Variants in IL21R observed in about 807,000 individuals in gnomAD.
IL21R encodes the protein interleukin 21 receptor.
Under a neutral mutation model 41.3 loss-of-function variants are expected in IL21R, and 14 were observed. The ratio of observed to expected loss-of-function variants is 0.34; its 90% CI spans 0.22 to 0.53. IL21R has a LOEUF of 0.53. IL21R is among the 20% of genes least tolerant of loss of function. The pLI, the probability that IL21R is intolerant of heterozygous loss-of-function variation, is 0.94. For synonymous variants in IL21R, 286 were observed against 287.6 expected, an observed-to-expected ratio of 0.99 and a Z score of 0.05; for missense variants, 588 against 681.6, an observed-to-expected ratio of 0.86 and a Z score of 1.53.
chr16:27,405,444 G>A lies in IL21R; in HGVS notation c.-17+2826G>A, dbSNP rs146935465. 4.8e-3 allele frequency among the ~76,000 whole-genome samples: 738 copies of A among 152,290 alleles called. 9 individuals carry two copies. The highest frequency in any genetic ancestry group is 0.016 in the African/African-American group (666 of 41,556). The stretch of plus-strand genomic sequence containing the variant: ...GCATATATGAGACCTCAGTAAATAA[G>A]AGCTCTTATGATGATTCTGCTTCCC... On this transcript the variant is annotated intron_variant, in intron 1 of 8. Coordinates refer to ENST00000337929, the MANE Select transcript of IL21R (RefSeq NM_181078.3).
Position 27,443,094 on chromosome 16 carries a change from A to G in IL21R, c.485A>G (p.Asn162Ser), listed in dbSNP as rs1307749855. The G allele has an allele frequency of 1.2e-6, 2 of 1,613,096 alleles. No homozygotes were observed. Among genetic ancestry groups the G allele is most frequent in the African/African-American group, 2.7e-5 (2 of 74,900 alleles). The change falls in exon 5 of 9, where the codon AAC becomes AGC. Residue 162 changes from asparagine to serine, a missense_variant. By Grantham distance (46) the Asn-to-Ser change is conservative (BLOSUM62 1). Coordinates refer to ENST00000337929, the MANE Select transcript of IL21R (RefSeq NM_181078.3). ...GKLQYELQYR[N>S]RGDPWAVSPR... The stretch of plus-strand genomic sequence containing the variant: ...CTTCAGTATGAGCTGCAGTACAGGA[A>G]CCGGGGAGACCCCTGGGCTGTGGTG...
chr16:27,422,872 T>A (rs938042333), intron 1 of IL21R, among the ~76,000 whole-genome samples: 1 of 152,220 alleles, frequency 6.6e-6, no homozygotes, highest in Non-Finnish European at 1.5e-5. Flanking sequence ...TAGATCAATT[T>A]AAATTTTCTT....
intron 5 of IL21R, 94 bp downstream of exon 5, chr16:27,443,210 T>A: frequency 8.5e-7 from 1 of 1,182,642 alleles, no homozygotes; most frequent in Non-Finnish European, 1.2e-6. Flanking sequence ...GTGAACAACA[T>A]CATTCATGGC....
At chr16:27,446,165 C>A in intron 8 of IL21R, 77 bp downstream of exon 8, 1 of 1,193,966 alleles carries the variant, frequency 8.4e-7, no homozygotes, top group South Asian at 1.3e-5. Flanking sequence ...TCACCCCAGG[C>A]TCCCCAGCCT....
intron 1 of IL21R, among the ~76,000 whole-genome samples, chr16:27,412,964 C>A (rs569126563): frequency 1.3e-5 from 2 of 152,136 alleles, no homozygotes; most frequent in Admixed American, 6.5e-5. Flanking sequence ...CCTTTTATTT[C>A]TTTTTCTTAC....
chr16:27,425,583 T>G (rs997378626), intron 1 of IL21R, among the ~76,000 whole-genome samples: 1 of 151,932 alleles, frequency 6.6e-6, no homozygotes, highest in Non-Finnish European at 1.5e-5. Context: ...CAGAGTGTCT[T>G]GCTCTGTTGC....
At chr16:27,434,558 A>G (rs2087234100) in intron 3 of IL21R, 109 bp downstream of exon 3, 1 of 717,902 alleles carries the variant, frequency 1.4e-6, no homozygotes, top group Admixed American at 2.2e-5. Flanking sequence ...CGCCTTTCAG[A>G]CAACCACTCA....
chr16:27,438,811 A>T (rs935630800), intron 4 of IL21R, among the ~76,000 whole-genome samples: 4 of 152,244 alleles, frequency 2.6e-5, no homozygotes, highest in Non-Finnish European at 4.4e-5. Flanking sequence ...CAGAGGTTGC[A>T]ATGAGCCAAG....
At chr16:27,421,503 T>C (rs986564075) in intron 1 of IL21R, among the ~76,000 whole-genome samples, 1 of 152,062 alleles carries the variant, frequency 6.6e-6, no homozygotes, top group African/African-American at 2.4e-5. Context: ...TCAATAACAT[T>C]TGTAGGTTTT....
chr16:27,430,090 G>T lies in IL21R; in HGVS notation c.19G>T (p.Ala7Ser). 6.2e-7 allele frequency: 1 copy of T among 1,605,408 alleles called. No homozygotes were observed. Among genetic ancestry groups the T allele is most frequent in the Non-Finnish European group, 8.5e-7 (1 of 1,179,742 alleles). The change falls in exon 2 of 9, where the codon GCC becomes TCC. Residue 7 changes from alanine to serine, a missense_variant. Ala to Ser is a moderately conservative substitution (Grantham distance 99, BLOSUM62 1). Coordinates refer to ENST00000337929, the MANE Select transcript of IL21R (RefSeq NM_181078.3). ...AGTCAGCATGCCGCGTGGCTGGGCC[G>T]CCCCCTTGCTCCTGCTGCTGCTCCA... MPRGWAAPLLLLLLQGG... is the reference protein window; with the variant it reads MPRGWASPLLLLLLQGG...
intron 4 of IL21R, among the ~76,000 whole-genome samples, chr16:27,440,286 A>AGCGAGCG (rs1567370101): frequency 4.7e-5 from 5 of 105,464 alleles, no homozygotes; most frequent in Admixed American, 1.8e-4. Context: ...GAGAGCGAGC[A>AGCGAGCG]AGCGCGCGCC....
At chr16:27,416,995 T>C (rs1360418870) in intron 1 of IL21R, among the ~76,000 whole-genome samples, 2 of 152,244 alleles carry the variant, frequency 1.3e-5, no homozygotes, top group African/African-American at 4.8e-5. Context: ...TGCATGGATA[T>C]ACTACATTTC....
chr16:27,403,314 A>C, intron 1 of IL21R: 1 of 1,211,830 alleles, frequency 8.3e-7, no homozygotes, highest in South Asian at 1.3e-5. Flanking sequence ...AAGGAAGAAC[A>C]TTCCTGGTGG....
Position 27,445,987 on chromosome 16 carries a change from A to C in IL21R, c.786-20A>C. ...GCCCTCTGGTGATGTCAGGGTCCTC[A>C]CCCCTCTCTGCCCCCTCAGGCTATG... On this transcript the variant is annotated intron_variant, in intron 7 of 8. Coordinates refer to ENST00000337929, the MANE Select transcript of IL21R (RefSeq NM_181078.3). The C allele has an allele frequency of 6.2e-7, 1 of 1,602,740 alleles. No individual in the cohort carries two copies. The highest frequency in any genetic ancestry group is 1.1e-5 in the South Asian group (1 of 89,812).
chr16:27,441,461 G>C (rs887812128), intron 4 of IL21R, among the ~76,000 whole-genome samples: 1 of 152,184 alleles, frequency 6.6e-6, no homozygotes, highest in Non-Finnish European at 1.5e-5. Context: ...GCCAGGAGAC[G>C]CTGAAAGATG....
At chr16:27,441,458 G>A (rs1358212987) in intron 4 of IL21R, among the ~76,000 whole-genome samples, 1 of 152,214 alleles carries the variant, frequency 6.6e-6, no homozygotes, top group African/African-American at 2.4e-5. Context: ...CTTGCCAGGA[G>A]ACGCTGAAAG....
rs1349130638 is a variant in IL21R at position 27,451,943 on chromosome 16, T to C, written c.*2660T>C. ...TGCATACTGGAAACAAAGATAAAGA[T>C]AAAACACAAGTTATACCAGGCCAGC... is the stretch of plus-strand genomic sequence containing the variant. On this transcript the variant is annotated 3_prime_UTR_variant, in exon 9 of 9. Transcript: ENST00000337929. 2 of 230,038 alleles carry C rather than the reference T, an allele frequency of 8.7e-6. No homozygotes were observed. The highest frequency in any genetic ancestry group is 1.7e-5 in the Non-Finnish European group (2 of 116,078). The allele number at this position is 230,038 out of a possible 1,614,324, so 14.2% of individuals were successfully genotyped here.
intron 1 of IL21R, chr16:27,427,204 G>C (rs2087093302): frequency 1.3e-6 from 1 of 764,020 alleles, no homozygotes; most frequent in Middle Eastern, 6.7e-4. Flanking sequence ...GGCCAAGCCT[G>C]GGTCAGGAGC....
intron 4 of IL21R, among the ~76,000 whole-genome samples, chr16:27,439,821 G>A (rs929694368): frequency 2.0e-5 from 3 of 152,118 alleles, no homozygotes; most frequent in African/African-American, 4.8e-5. Flanking sequence ...ACCTCCCGCC[G>A]AGGGTCCCTT....
Sources: allele counts gnomAD v4.1 joint callset (sites outside exome capture counted in the v4.1 genomes callset), GRCh38; gene constraint gnomAD v4.1.1; transcripts MANE v1.5; gene names NCBI Gene and HGNC (gene_info 2026-07-23, HGNC 2026-07-21).